Variants in SRGAP2C observed in about 807,000 individuals in gnomAD.
SRGAP2C encodes SLIT-ROBO Rho GTPase activating protein 2C.
In SRGAP2C, 15 loss-of-function variants were observed where a neutral mutation model predicts 25.1. That is an observed-to-expected ratio of 0.60 (90% confidence interval 0.40 to 0.92). The LOEUF (loss-of-function observed/expected upper bound fraction) is 0.92, where lower values mean the gene tolerates loss of function less well. SRGAP2C is among the 40% of genes least tolerant of loss of function. The pLI, the probability that SRGAP2C is intolerant of heterozygous loss-of-function variation, is 0.00. For synonymous variants in SRGAP2C, 44 were observed against 96.6 expected (o/e 0.46, Z 3.19); for missense variants, 144 against 264.4 (o/e 0.54, Z 3.16).
At chr1:121,327,880 A>G (rs1237054452) in intron 4 of SRGAP2C, among the ~76,000 whole-genome samples, 3 of 152,178 alleles carry the variant, frequency 2.0e-5, no homozygotes, top group South Asian at 2.1e-4. Context: ...ACCTTGGACA[A>G]TGACTTCTTT....
chr1:121,222,101 A>G (rs1655541188), intron 2 of SRGAP2C, among the ~76,000 whole-genome samples: 1 of 152,050 alleles, frequency 6.6e-6, no homozygotes, highest in South Asian at 2.1e-4. Flanking sequence ...CAAAACAAAC[A>G]TAGCAACTAT....
chr1:121,340,765 T>C lies in SRGAP2C; in HGVS notation c.423+16125T>C, dbSNP rs1374566659. Among the ~76,000 whole-genome samples the C allele has an allele frequency of 2.6e-5, 4 of 151,730 alleles. No homozygotes were observed. The East Asian group carries it at 7.8e-4, about 30-fold the overall frequency. The stretch of plus-strand genomic sequence containing the variant: ...GATTCTCAATTAGCCATCTGTTTCT[T>C]ATCTTACAGAAATATCTTTTGAGGA... On this transcript the variant is annotated intron_variant, in intron 4 of 9. Transcript: ENST00000367123.
intron 3 of SRGAP2C, among the ~76,000 whole-genome samples, chr1:121,310,380 T>C (rs1390006030): frequency 1.6e-4 from 22 of 136,580 alleles, no homozygotes; most frequent in African/African-American, 6.3e-4. Flanking sequence ...AGGTTGCCTG[T>C]TCACTCTGAT....
At chr1:121,259,465 G>C (rs1252977632) in intron 2 of SRGAP2C, among the ~76,000 whole-genome samples, 2 of 91,888 alleles carry the variant, frequency 2.2e-5, no homozygotes, top group Admixed American at 1.1e-4. Flanking sequence ...GGGTGACAGA[G>C]TGAGACTGTC....
chr1:121,295,770 G>A (rs1276175270), intron 3 of SRGAP2C, among the ~76,000 whole-genome samples: 1 of 150,490 alleles, frequency 6.6e-6, no homozygotes, highest in Non-Finnish European at 1.5e-5. Flanking sequence ...TGTTGTTTGG[G>A]TTTTTTTTTA....
At chr1:121,306,095 G>T (rs1553339392) in intron 3 of SRGAP2C, among the ~76,000 whole-genome samples, 1 of 152,164 alleles carries the variant, frequency 6.6e-6, no homozygotes, top group Non-Finnish European at 1.5e-5. Context: ...AGAAGGTAAG[G>T]CTGGGACCTC....
At chr1:121,270,017 T>G (rs1287769095) in intron 2 of SRGAP2C, among the ~76,000 whole-genome samples, 8 of 150,158 alleles carry the variant, frequency 5.3e-5, no homozygotes, top group Non-Finnish European at 1.0e-4. Flanking sequence ...ATGCTCCCAT[T>G]TTTTGGTCTT....
chr1:121,270,942 G>A (rs1468057300), intron 2 of SRGAP2C, among the ~76,000 whole-genome samples: 15 of 150,854 alleles, frequency 9.9e-5, no homozygotes, highest in Admixed American at 7.3e-4. Flanking sequence ...ACAGGCGCCC[G>A]CCACCACGCC....
At chr1:121,218,721 T>A (rs1553325187) in intron 2 of SRGAP2C, among the ~76,000 whole-genome samples, 2 of 151,678 alleles carry the variant, frequency 1.3e-5, no homozygotes. Context: ...CACTCCAGTC[T>A]GGGCGACAGA....
At chr1:121,211,421 A>ACT (rs1655252174) in intron 2 of SRGAP2C, among the ~76,000 whole-genome samples, 2 of 48,700 alleles carry the variant, frequency 4.1e-5, no homozygotes, top group Admixed American at 1.8e-4. Flanking sequence ...ACACATACAC[A>ACT]CACACACACA....
chr1:121,336,450 C>CT (rs1658517644), intron 4 of SRGAP2C, among the ~76,000 whole-genome samples: 1 of 118,626 alleles, frequency 8.4e-6, no homozygotes, highest in Non-Finnish European at 1.8e-5. Flanking sequence ...CTCCCTCCCC[C>CT]CCTTCCTTCT....
intron 4 of SRGAP2C, among the ~76,000 whole-genome samples, chr1:121,351,596 C>T (rs1469418157): frequency 5.8e-4 from 79 of 135,700 alleles, no homozygotes; most frequent in Non-Finnish European, 8.3e-4. Context: ...GGCGACAGAG[C>T]GAGACTCCAT....
intron 4 of SRGAP2C, among the ~76,000 whole-genome samples, chr1:121,328,939 T>C (rs1553341926): frequency 9.1e-6 from 1 of 110,330 alleles, no homozygotes; most frequent in Non-Finnish European, 1.9e-5. Context: ...GGGCTGGGAG[T>C]GGTGACTCAT....
intron 3 of SRGAP2C, among the ~76,000 whole-genome samples, chr1:121,319,358 TTACAGCCATAC>T (rs1658152606): frequency 6.6e-6 from 1 of 151,462 alleles, no homozygotes; most frequent in African/African-American, 2.4e-5. Flanking sequence ...GTCTAGGATT[TTACAGCCATAC>T]TTTGAAGATC....
chr1:121,308,855 C>T (rs1553339768), intron 3 of SRGAP2C, among the ~76,000 whole-genome samples: 476 of 142,858 alleles, frequency 3.3e-3, no homozygotes, highest in Non-Finnish European at 5.2e-3. Flanking sequence ...AGGAGAATCG[C>T]TTGAACCCAG....
chr1:121,236,139 G>T (rs1162965230), intron 2 of SRGAP2C, among the ~76,000 whole-genome samples: 23 of 149,758 alleles, frequency 1.5e-4, no homozygotes, highest in African/African-American at 4.2e-4. Context: ...TTCTCTAGGG[G>T]GTCTTGATTC....
intron 2 of SRGAP2C, among the ~76,000 whole-genome samples, chr1:121,233,036 A>G (rs1311243809): frequency 5.3e-5 from 6 of 112,474 alleles, no homozygotes; most frequent in African/African-American, 1.8e-4. Context: ...CCTCTAAGTG[A>G]TCAGATCCGC....
intron 5 of SRGAP2C, 136 bp downstream of exon 5, chr1:121,365,491 C>T: frequency 2.7e-6 from 1 of 376,948 alleles, no homozygotes; most frequent in Non-Finnish European, 4.7e-6. Context: ...GGGGTGACCC[C>T]ACCCATCTCT....
chr1:121,372,334 T>C (rs1398283944), intron 5 of SRGAP2C, among the ~76,000 whole-genome samples: 1 of 152,092 alleles, frequency 6.6e-6, no homozygotes, highest in African/African-American at 2.4e-5. Flanking sequence ...TTAATTGTTG[T>C]GGGGGCTGTC....
Sources: allele counts gnomAD v4.1 joint callset (sites outside exome capture counted in the v4.1 genomes callset), GRCh38; gene constraint gnomAD v4.1.1; transcripts MANE v1.5; gene names NCBI Gene and HGNC (gene_info 2026-07-23, HGNC 2026-07-21).